The following NUMB variants were observed in gnomAD, a reference collection of about 807,000 sequenced individuals.
NUMB encodes NUMB endocytic adaptor protein.
Under a neutral mutation model 59.7 loss-of-function variants are expected in NUMB, and 29 were observed. The observed-to-expected ratio is 0.49, with a 90% confidence interval of 0.36 to 0.66. The LOEUF is 0.66. Ranked by LOEUF, NUMB falls within the 30% of genes least tolerant of loss-of-function variation. NUMB has a pLI of 0.00. For missense variants in NUMB, 723 were observed against 822.0 expected (o/e 0.88, Z 1.47); for synonymous variants, 288 against 288.2 (o/e 1.00, Z 0.01).
At chr14:73,405,540 T>A (rs750467973) in intron 2 of NUMB, among the ~76,000 whole-genome samples, 7 of 150,434 alleles carry the variant, frequency 4.7e-5, no homozygotes, top group Non-Finnish European at 1.0e-4. Context: ...TGGGCTCAAG[T>A]TATCCTCCCG....
intron 4 of NUMB, among the ~76,000 whole-genome samples, chr14:73,332,943 C>CT (rs1277488149): frequency 3.9e-5 from 6 of 152,068 alleles, no homozygotes; most frequent in Admixed American, 1.3e-4. Context: ...TATTTCAATG[C>CT]TTTTCATACC....
chr14:73,389,648 G>C (rs192144861), intron 2 of NUMB, among the ~76,000 whole-genome samples: 5 of 152,092 alleles, frequency 3.3e-5, no homozygotes, highest in Admixed American at 3.3e-4. Flanking sequence ...CACCGTGCCC[G>C]GCCCATCTCT....
chr14:73,311,901 T>C (rs1890794922), intron 6 of NUMB, among the ~76,000 whole-genome samples: 1 of 152,148 alleles, frequency 6.6e-6, no homozygotes, highest in Admixed American at 6.5e-5. Flanking sequence ...AGGGTGGAGA[T>C]GAATTAAGTG....
intron 2 of NUMB, among the ~76,000 whole-genome samples, chr14:73,390,134 G>A (rs1895768302): frequency 6.6e-6 from 1 of 152,080 alleles, no homozygotes; most frequent in South Asian, 2.1e-4. Context: ...GTACACAAAG[G>A]TAAATGTAAA....
chr14:73,453,659 G>A (rs1884148426), intron 1 of NUMB, among the ~76,000 whole-genome samples: 1 of 149,458 alleles, frequency 6.7e-6, no homozygotes, highest in South Asian at 2.1e-4. Context: ...CCAGGATGGA[G>A]TGCAGTGGCG....
intron 11 of NUMB, 190 bp downstream of exon 11, chr14:73,282,169 T>G: frequency 5.8e-6 from 3 of 514,880 alleles, no homozygotes; most frequent in South Asian, 3.6e-5. Context: ...AACACAGACA[T>G]CTTAGAAAAC....
At position 73,277,269 on chromosome 14, in the gene NUMB, C is replaced by A; in HGVS notation, c.1265G>T (p.Gly422Val). ...CSGTEWGQSS[G>V]AASPGLFQAG... is the part of the protein sequence containing the mutation. ...CTGGAAGAGACCTGGAGAGGCAGCACCAGAAGATTGACCCCACTCGGTCCC... is the reference window on the plus strand; with the variant it reads ...CTGGAAGAGACCTGGAGAGGCAGCAACAGAAGATTGACCCCACTCGGTCCC... Residue 422 changes from glycine to valine, a missense_variant, in exon 13 of 13, where the codon GGT (glycine) becomes GTT (valine). By Grantham distance (109) the Gly-to-Val change is moderately radical (BLOSUM62 -3). Coordinates refer to ENST00000555238, the MANE Select transcript of NUMB (RefSeq NM_001005743.2). The A allele has an allele frequency of 1.2e-6, 2 of 1,602,050 alleles. No homozygotes were observed. Among genetic ancestry groups the A allele is most frequent in the Non-Finnish European group, 1.7e-6 (2 of 1,170,226 alleles).
chr14:73,430,658 T>C (rs891591192), intron 1 of NUMB, among the ~76,000 whole-genome samples: 3 of 147,550 alleles, frequency 2.0e-5, no homozygotes, highest in African/African-American at 7.6e-5. Flanking sequence ...AAAAAGTTTT[T>C]GGGCCAGGCG....
At chr14:73,384,625 T>C (rs544136600) in intron 2 of NUMB, among the ~76,000 whole-genome samples, 45 of 152,276 alleles carry the variant, frequency 3.0e-4, no homozygotes, top group South Asian at 2.1e-3. Context: ...TGGAGTGCCA[T>C]AGGGTGATCT....
At chr14:73,374,719 CT>C (rs368185389) in intron 2 of NUMB, among the ~76,000 whole-genome samples, 76 of 119,312 alleles carry the variant, frequency 6.4e-4, no homozygotes, top group African/African-American at 8.2e-4. Context: ...GTTACATTAA[CT>C]TTTTTTTTTT....
chr14:73,458,016 C>T (rs1276052255), intron 1 of NUMB: 3 of 152,828 alleles, frequency 2.0e-5, no homozygotes, highest in African/African-American at 7.2e-5. Context: ...CCGCTCTCTC[C>T]TCACCGGCCG....
chr14:73,328,475 G>A (rs187531789), intron 4 of NUMB, among the ~76,000 whole-genome samples: 1 of 152,108 alleles, frequency 6.6e-6, no homozygotes, highest in East Asian at 1.9e-4. Context: ...TGGTCATATG[G>A]TAATTGAATG....
chr14:73,442,834 T>C (rs1010439712), intron 1 of NUMB, among the ~76,000 whole-genome samples: 5 of 152,164 alleles, frequency 3.3e-5, no homozygotes, highest in African/African-American at 1.2e-4. Context: ...CTGTAGTGTA[T>C]ACATATGTAA....
intron 2 of NUMB, among the ~76,000 whole-genome samples, chr14:73,385,496 CTTT>C (rs35526624): frequency 1.7e-4 from 11 of 65,354 alleles, no homozygotes; most frequent in African/African-American, 6.5e-4. Flanking sequence ...GGCTAGTGGC[CTTT>C]TTTTTTTTTT....
intron 4 of NUMB, among the ~76,000 whole-genome samples, chr14:73,332,412 C>T (rs1266175890): frequency 1.3e-5 from 2 of 152,034 alleles, no homozygotes; most frequent in Admixed American, 6.6e-5. Flanking sequence ...CGCCACCACA[C>T]CCAGCTAATT....
intron 6 of NUMB, among the ~76,000 whole-genome samples, chr14:73,309,509 G>C (rs1053210225): frequency 1.3e-5 from 2 of 151,934 alleles, no homozygotes; most frequent in African/African-American, 4.8e-5. Context: ...CTCATAATTG[G>C]GAGTTGAACA....
chr14:73,350,066 T>TACACACACACACAC lies in NUMB; in HGVS notation c.126+5559_126+5560insGTGTGTGTGTGTGT, dbSNP rs1161769200. Among the ~76,000 whole-genome samples, 13 of 103,714 alleles carry TACACACACACACAC rather than the reference T, an allele frequency of 1.3e-4. No homozygotes were observed. The South Asian group carries it at 3.1e-3, about 25-fold the overall frequency. 68.0% of individuals were successfully genotyped at this position (103,714 alleles called of 152,430 possible). A position where few individuals can be genotyped will look rare whatever the true frequency, so the allele number is the denominator to read the frequency against. ...TCACATACATACATACATATATACATACATACATACATACACACACACACA... is the reference window on the plus strand; with the variant it reads ...TCACATACATACATACATATATACATACACACACACACACACATACATACATACACACACACACA... On this transcript the variant is annotated intron_variant, in intron 4 of 12. Coordinates refer to ENST00000555238, the MANE Select transcript of NUMB (RefSeq NM_001005743.2).
chr14:73,335,302 C>CAAAAAAAAAAAAAAAAA, intron 4 of NUMB, among the ~76,000 whole-genome samples: 1 of 100,238 alleles, frequency 1.0e-5, no homozygotes, highest in Non-Finnish European at 2.0e-5. Context: ...GCCAAAAAGA[C>CAAAAAAAAAAAAAAAAA]AAAAAAAAAA....
At chr14:73,428,762 T>A (rs1897695330) in intron 1 of NUMB, among the ~76,000 whole-genome samples, 1 of 152,166 alleles carries the variant, frequency 6.6e-6, no homozygotes, top group Non-Finnish European at 1.5e-5. Context: ...CAGTGAGCTA[T>A]GATCACACCA....
Sources: allele counts gnomAD v4.1 joint callset (sites outside exome capture counted in the v4.1 genomes callset), GRCh38; gene constraint gnomAD v4.1.1; transcripts MANE v1.5; gene names NCBI Gene and HGNC (gene_info 2026-07-23, HGNC 2026-07-21).